P2RY2: variants seen among roughly 807,000 people sequenced by gnomAD.
The protein encoded by P2RY2 is P2Y purinoceptor 2.
For synonymous variants in P2RY2, 241 were observed against 231.9 expected (o/e 1.04, Z -0.35); for missense variants, 567 against 515.7 (o/e 1.10, Z -0.96).
rs147189011 is a variant in P2RY2, at chr11:73,234,243, C to G, written c.84C>G (p.Asn28Lys). The stretch of plus-strand genomic sequence containing the variant: ...AGCTGGGCTACAGGTGCCGCTTCAA[C>G]GAGGACTTCAAGTACGTGCTGCTGC... ...GDELGYRCRF[N>K]EDFKYVLLPV... is the part of the protein sequence containing the mutation. The change falls in exon 3 of 3, where the codon AAC (asparagine) becomes AAG (lysine). Residue 28 changes from asparagine to lysine, a missense_variant. Coordinates refer to ENST00000393597, the MANE Select transcript of P2RY2 (RefSeq NM_002564.4). 5 of 1,614,064 alleles carry G rather than the reference C, an allele frequency of 3.1e-6. No homozygotes were observed. The highest frequency in any genetic ancestry group is 1.1e-5 in the South Asian group (1 of 91,094).
rs988441318 is a variant in P2RY2, at chr11:73,238,156, G to A, written c.*2863G>A. ...GGATGTAAGCAAGTGCCTTGGTGACGATCCTGCTGTCACTCACACTGCCCA... is the reference window on the plus strand; with the variant it reads ...GGATGTAAGCAAGTGCCTTGGTGACAATCCTGCTGTCACTCACACTGCCCA... On this transcript the variant is annotated 3_prime_UTR_variant, in exon 3 of 3. Transcript: ENST00000393597. Among the ~76,000 whole-genome samples the A allele has an allele frequency of 2.0e-5, 3 of 152,236 alleles. No homozygotes were observed. Among genetic ancestry groups the A allele is most frequent in the Non-Finnish European group, 4.4e-5 (3 of 68,046 alleles).
chr11:73,234,579 C>G lies in P2RY2; in HGVS notation c.420C>G (p.Arg140=). 1.9e-6 allele frequency: 3 copies of G among 1,577,678 alleles called. No homozygotes were observed. The highest frequency in any genetic ancestry group is 1.7e-6 in the Non-Finnish European group (2 of 1,161,152). ...GTCTGGGCGTCTTACGACCTCTGCGCTCCCTGCGCTGGGGCCGGGCCCGCT... is the reference window on the plus strand; with the variant it reads ...GTCTGGGCGTCTTACGACCTCTGCGGTCCCTGCGCTGGGGCCGGGCCCGCT... ...HRCLGVLRPL[R]SLRWGRARYA... Residue 140 remains arginine (R), a synonymous_variant, in exon 3 of 3, where the codon CGC becomes CGG. Transcript: ENST00000393597.
chr11:73,233,099 A>C (rs1392588065), intron 2 of P2RY2, among the ~76,000 whole-genome samples: 1 of 152,192 alleles, frequency 6.6e-6, no homozygotes, highest in Admixed American at 6.5e-5. Context: ...GAAACTGGAT[A>C]GGCATGGAAG....
rs111688813 is a variant in P2RY2, at chr11:73,229,613, C to A, written c.-5+1438C>A. ...GGGTGAGTCTGGCCCAGGGCCACGG[C>A]GATGGAGTCCCCAGCTGGCCTGGGA... On this transcript the variant is annotated intron_variant, in intron 2 of 2. Transcript: ENST00000393597. 2.2e-3 allele frequency among the ~76,000 whole-genome samples: 331 copies of A among 152,040 alleles called. 1 individual carries two copies. Among genetic ancestry groups the A allele is most frequent in the African/African-American group, 7.4e-3 (308 of 41,466 alleles).
Position 73,234,203 on chromosome 11 carries a change from C to T in P2RY2, c.44C>T (p.Thr15Ile). ...LGPWNDTING[T>I]WDGDELGYRC... ...CCCTGGAATGACACCATCAATGGCA[C>T]CTGGGATGGGGATGAGCTGGGCTAC... Residue 15 changes from threonine (T) to isoleucine (I), a missense_variant, in exon 3 of 3, where the codon ACC (threonine) becomes ATC (isoleucine). Coordinates refer to ENST00000393597, the MANE Select transcript of P2RY2 (RefSeq NM_002564.4). 1.2e-6 allele frequency: 2 copies of T among 1,613,876 alleles called. No individual in the cohort carries two copies. Among genetic ancestry groups the T allele is most frequent in the Non-Finnish European group, 1.7e-6 (2 of 1,179,874 alleles).
rs1862682940 is a variant in P2RY2, at chr11:73,237,517, G to A, written c.*2224G>A. Among the ~76,000 whole-genome samples, 1 of 152,108 alleles carries A rather than the reference G, an allele frequency of 6.6e-6. No individual in the cohort carries two copies. Among genetic ancestry groups the A allele is most frequent in the Admixed American group, 6.5e-5 (1 of 15,280 alleles). On this transcript the variant is annotated 3_prime_UTR_variant, in exon 3 of 3. Transcript: ENST00000393597. ...CCTGCCTCAGCCTCCCAAAGTGCTG[G>A]GATTACAGGTATGAGCCACCGCACC...
intron 1 of P2RY2, among the ~76,000 whole-genome samples, chr11:73,226,617 A>C (rs1591630147): frequency 6.6e-6 from 1 of 151,318 alleles, no homozygotes; most frequent in Non-Finnish European, 1.5e-5. Context: ...TCGCAGGCCC[A>C]CTCCTCCATC....
chr11:73,234,276 C>T lies in P2RY2; in HGVS notation c.117C>T (p.Ser39=), dbSNP rs1341813657. The part of the protein sequence containing the change: ...EDFKYVLLPV[S]YGVVCVPGLC... ...TCAAGTACGTGCTGCTGCCTGTGTC[C>T]TACGGCGTGGTGTGCGTGCCTGGGC... Residue 39 remains serine (S), a synonymous_variant, in exon 3 of 3, where the codon TCC becomes TCT. Coordinates refer to ENST00000393597, the MANE Select transcript of P2RY2 (RefSeq NM_002564.4). The T allele has an allele frequency of 6.2e-7, 1 of 1,614,192 alleles. No homozygotes were observed. The highest frequency in any genetic ancestry group is 1.7e-5 in the Admixed American group (1 of 60,022).
At chr11:73,225,230 C>T (rs910627602) in intron 1 of P2RY2, among the ~76,000 whole-genome samples, 2 of 152,230 alleles carry the variant, frequency 1.3e-5, no homozygotes, top group Non-Finnish European at 2.9e-5. Context: ...CCTGGAAATT[C>T]TGCAGTGGCC....
At chr11:73,227,168 A>C (rs1018187855) in intron 1 of P2RY2, among the ~76,000 whole-genome samples, 1 of 152,190 alleles carries the variant, frequency 6.6e-6, no homozygotes, top group African/African-American at 2.4e-5. Flanking sequence ...TATAAGTGAG[A>C]ACATGCGGTG....
At chr11:73,225,726 A>AGG (rs1414796142) in intron 1 of P2RY2, among the ~76,000 whole-genome samples, 1 of 125,992 alleles carries the variant, frequency 7.9e-6, no homozygotes, top group Non-Finnish European at 1.7e-5. Context: ...GCACAGGGAC[A>AGG]GCACTAAACT....
In P2RY2 at chr11:73,239,005, CTA is replaced by C. The variant is rs1862719570; in HGVS notation, c.*3713_*3714del. 6.6e-6 allele frequency: 1 copy of C among 152,258 alleles called. No homozygotes were observed. 9.4% of individuals were successfully genotyped at this position (152,258 alleles called of 1,614,324 possible). On this transcript the variant is annotated 3_prime_UTR_variant, in exon 3 of 3. Coordinates refer to ENST00000393597, the MANE Select transcript of P2RY2 (RefSeq NM_002564.4). ...TTGCAGCACCTCAGTTTTCCCATTT[CTA>C]AAGTGTGCTGCTACCTTCCATGCAG...
chr11:73,235,508 G>T lies in P2RY2; in HGVS notation c.*215G>T, dbSNP rs1862627059. Reference sequence around the variant, plus strand: ...AGTCATCGTTTGTGTGTATAAGTTGGGGGAATTAAGTTTCAAGAAAGGCAA... The same window carrying T: ...AGTCATCGTTTGTGTGTATAAGTTGTGGGAATTAAGTTTCAAGAAAGGCAA... On this transcript the variant is annotated 3_prime_UTR_variant, in exon 3 of 3. Transcript: ENST00000393597. The T allele has an allele frequency of 2.3e-6, 3 of 1,287,964 alleles. No individual in the cohort carries two copies. In the East Asian group the frequency reaches 9.2e-5, roughly 39 times the overall value. 79.8% of individuals were successfully genotyped at this position (1,287,964 alleles called of 1,614,324 possible).
Position 73,237,194 on chromosome 11 carries a change from C to T in P2RY2, c.*1901C>T. ...TGCCCAGAATAGTGTGAGCTATTCA[C>T]CTCTCACCTTCTAGGTTCTATACTT... On this transcript the variant is annotated 3_prime_UTR_variant, in exon 3 of 3. Coordinates refer to ENST00000393597, the MANE Select transcript of P2RY2 (RefSeq NM_002564.4). 1.3e-6 allele frequency: 1 copy of T among 764,252 alleles called. No individual in the cohort carries two copies. Among genetic ancestry groups the T allele is most frequent in the Non-Finnish European group, 1.6e-6 (1 of 627,814 alleles). 47.3% of individuals were successfully genotyped at this position (764,252 alleles called of 1,614,324 possible). A position where few individuals can be genotyped will look rare whatever the true frequency, so the allele number is the denominator to read the frequency against.
chr11:73,236,906 G>A lies in P2RY2; in HGVS notation c.*1613G>A, dbSNP rs1271173431. The A allele has an allele frequency of 4.1e-6, 4 of 985,020 alleles. No homozygotes were observed. In the African/African-American group the frequency reaches 7.0e-5, roughly 17 times the overall value. 61.0% of individuals were successfully genotyped at this position (985,020 alleles called of 1,614,324 possible). A position where few individuals can be genotyped will look rare whatever the true frequency, so the allele number is the denominator to read the frequency against. ...AGGGCCCCGCCCTAGCCTTTGGAAAGGGACAGGGCAAAGCTGACAGGCCTC... is the reference window on the plus strand; with the variant it reads ...AGGGCCCCGCCCTAGCCTTTGGAAAAGGACAGGGCAAAGCTGACAGGCCTC... On this transcript the variant is annotated 3_prime_UTR_variant, in exon 3 of 3. Coordinates refer to ENST00000393597, the MANE Select transcript of P2RY2 (RefSeq NM_002564.4).
At chr11:73,218,985 G>A (rs1463794507) in intron 1 of P2RY2, among the ~76,000 whole-genome samples, 3 of 152,196 alleles carry the variant, frequency 2.0e-5, no homozygotes, top group Non-Finnish European at 2.9e-5. Flanking sequence ...CTCTGTCCCC[G>A]GGCTTTTAAT....
chr11:73,227,117 C>T (rs895866649), intron 1 of P2RY2, among the ~76,000 whole-genome samples: 3 of 152,068 alleles, frequency 2.0e-5, no homozygotes, highest in Non-Finnish European at 2.9e-5. Flanking sequence ...TATGATGTTC[C>T]CCTCCCTGTG....
chr11:73,234,010 T>C (rs1351762107), intron 2 of P2RY2, 146 bp from the exon 3 acceptor site: 2 of 850,988 alleles, frequency 2.4e-6, no homozygotes, highest in Non-Finnish European at 3.5e-6. Flanking sequence ...ATTGATCTCA[T>C]GCATTCTCAA....
In P2RY2 at chr11:73,234,712, G is replaced by A. The variant is rs1464387780; in HGVS notation, c.553G>A (p.Asp185Asn). The change falls in exon 3 of 3, where the codon GAC (aspartate) becomes AAC (asparagine). Residue 185 changes from aspartate to asparagine, a missense_variant. By Grantham distance (23) the Asp-to-Asn change is conservative. Coordinates refer to ENST00000393597, the MANE Select transcript of P2RY2 (RefSeq NM_002564.4). ...SARGGRVTCH[D>N]TSAPELFSRF... The stretch of plus-strand genomic sequence containing the variant: ...GCGCGGGGGCCGCGTAACCTGCCAC[G>A]ACACCTCGGCACCCGAGCTCTTCAG... The A allele has an allele frequency of 1.9e-6, 3 of 1,607,610 alleles. No individual in the cohort carries two copies. The highest frequency in any genetic ancestry group is 1.3e-5 in the African/African-American group (1 of 75,012).
Sources: allele counts gnomAD v4.1 joint callset (sites outside exome capture counted in the v4.1 genomes callset), GRCh38; gene constraint gnomAD v4.1.1; transcripts MANE v1.5; gene names NCBI Gene and HGNC (gene_info 2026-07-23, HGNC 2026-07-21).